The following CHD2 variants were observed in gnomAD, a reference collection of about 807,000 sequenced individuals.
The protein encoded by CHD2 is chromodomain helicase DNA binding protein 2.
Under a neutral mutation model 243.9 loss-of-function variants are expected in CHD2, and 28 were observed. That is an observed-to-expected ratio of 0.11 (90% CI 0.09 to 0.16). The LOEUF is 0.16. Ranked by LOEUF, CHD2 falls within the 10% of genes least tolerant of loss-of-function variation. CHD2 has a pLI of 1.00. For synonymous variants in CHD2, 775 were observed against 779.0 expected, an observed-to-expected ratio of 0.99 and a Z score of 0.09; for missense variants, 1,386 against 2,209.8, an observed-to-expected ratio of 0.63 and a Z score of 7.47.
chr15:92,935,026 C>T (rs1162291321), intron 5 of CHD2, among the ~76,000 whole-genome samples: 1 of 141,246 alleles, frequency 7.1e-6, no homozygotes, highest in Non-Finnish European at 1.6e-5. Flanking sequence ...TTTTTTTTTT[C>T]TTTCTTTCTT....
At position 92,941,019 on chromosome 15, in the gene CHD2, T is replaced by TG. The variant is rs1474129012; in HGVS notation, c.693-802dup. On this transcript the variant is annotated intron_variant, in intron 7 of 38. Transcript: ENST00000394196. ...AATATATATATATAATTTTTTTTTT[T>TG]GAGACGGAGTCTTGCTGTGTTGCCC... Among the ~76,000 whole-genome samples, 26 of 144,292 alleles carry TG rather than the reference T, an allele frequency of 1.8e-4. No homozygotes were observed. The South Asian group carries it at 4.3e-3, about 24-fold the overall frequency. 94.7% of individuals were successfully genotyped at this position (144,292 alleles called of 152,430 possible).
intron 5 of CHD2, among the ~76,000 whole-genome samples, 156 bp downstream of exon 5, chr15:92,929,247 C>T (rs753022444): frequency 6.6e-6 from 1 of 152,106 alleles, no homozygotes; most frequent in Non-Finnish European, 1.5e-5. Flanking sequence ...TGACCTGTTG[C>T]AATAGCAGCA....
At chr15:92,950,121 T>G (rs77416418) in intron 13 of CHD2, among the ~76,000 whole-genome samples, 8 of 152,146 alleles carry the variant, frequency 5.3e-5, no homozygotes, top group Non-Finnish European at 1.2e-4. Flanking sequence ...CGTTCGGACA[T>G]GTCTGAGCAG....
intron 37 of CHD2, among the ~76,000 whole-genome samples, chr15:93,017,962 A>T (rs76702842): frequency 0.013 from 1,908 of 152,314 alleles, 42 homozygotes; most frequent in African/African-American, 0.044. Flanking sequence ...TTCTTACTAA[A>T]TACATTCTTT....
chr15:92,986,960 C>T (rs1187830326), intron 26 of CHD2, among the ~76,000 whole-genome samples: 1 of 152,024 alleles, frequency 6.6e-6, no homozygotes, highest in African/African-American at 2.4e-5. Context: ...TGGTCTCAGA[C>T]TCCTGGCCTC....
chr15:92,908,084 T>G (rs1419074408), intron 2 of CHD2, among the ~76,000 whole-genome samples: 2 of 150,894 alleles, frequency 1.3e-5, no homozygotes, highest in African/African-American at 4.9e-5. Flanking sequence ...CAACAGCTTC[T>G]TGTGTGAATC....
Position 92,997,540 on chromosome 15 carries a change from C to G in CHD2, c.3885+137C>G. ...TAGTCATTCTTGGAAATACTTCCAT[C>G]TTTAGCAGATTGTGGCACTGTTTCA... On this transcript the variant is annotated intron_variant, in intron 30 of 38. Coordinates refer to ENST00000394196, the MANE Select transcript of CHD2 (RefSeq NM_001271.4). This position sits in a 1 kb window ranked among gnomAD's most constrained non-coding sequence, Gnocchi z 4.1. 1.3e-6 allele frequency: 1 copy of G among 765,412 alleles called. No homozygotes were observed. Among genetic ancestry groups the G allele is most frequent in the Non-Finnish European group, 1.9e-6 (1 of 520,044 alleles). 47.4% of individuals were successfully genotyped at this position (765,412 alleles called of 1,614,324 possible).
At chr15:92,991,810 C>A (rs1426897452) in intron 27 of CHD2, 2 of 258,462 alleles carry the variant, frequency 7.7e-6, no homozygotes, top group Admixed American at 5.4e-5. Context: ...GAGAGATGTT[C>A]ATGTAACTCC....
chr15:92,928,318 C>T (rs940848501), intron 4 of CHD2, among the ~76,000 whole-genome samples: 1 of 152,168 alleles, frequency 6.6e-6, no homozygotes, highest in African/African-American at 2.4e-5. Flanking sequence ...AGAAATCTTT[C>T]CCTCTTTTAC....
intron 2 of CHD2, chr15:92,901,578 TTC>T (rs1226951472): frequency 4.5e-6 from 2 of 440,236 alleles, no homozygotes; most frequent in East Asian, 3.4e-5. Context: ...TGTACAGTTT[TTC>T]TGTCAGTAAA....
At chr15:93,007,513 A>G (rs1596453900) in intron 34 of CHD2, among the ~76,000 whole-genome samples, 2 of 152,350 alleles carry the variant, frequency 1.3e-5, no homozygotes, top group Middle Eastern at 3.4e-3. Flanking sequence ...TAACACAGAA[A>G]AATCCACAAA....
At chr15:92,942,190 A>G (rs975740798) in intron 8 of CHD2, among the ~76,000 whole-genome samples, 2 of 152,234 alleles carry the variant, frequency 1.3e-5, no homozygotes, top group Non-Finnish European at 2.9e-5. Context: ...AAGCAGTGAT[A>G]TAGCAGAGAT....
intron 10 of CHD2, chr15:92,945,392 C>T (rs61611171): frequency 0.73 from 90,327 of 123,008 alleles, 35,574 homozygotes; most frequent in East Asian, 0.97. Flanking sequence ...TCTTCTTCTT[C>T]TTCTTTTTTT....
At chr15:93,000,719 G>C in intron 32 of CHD2, 79 bp downstream of exon 32, 1 of 1,452,932 alleles carries the variant, frequency 6.9e-7, no homozygotes, top group Non-Finnish European at 9.3e-7. Flanking sequence ...AAAATCATCT[G>C]AAATGTGTTT....
chr15:92,904,095 C>T (rs1319854686), intron 2 of CHD2, among the ~76,000 whole-genome samples: 2 of 152,236 alleles, frequency 1.3e-5, no homozygotes, highest in African/African-American at 4.8e-5. Context: ...CCTCTCTGCT[C>T]TTCTGGGGAA....
At position 92,940,810 on chromosome 15, in the gene CHD2, T is replaced by A. The variant is rs1596393721; in HGVS notation, c.693-1012T>A. On this transcript the variant is annotated intron_variant, in intron 7 of 38. Transcript: ENST00000394196. ...AAATATATAAATATATAAATAAATA[T>A]AAATATATATAAATATTATAAATAT... Among the ~76,000 whole-genome samples the A allele has an allele frequency of 4.4e-4, 61 of 139,026 alleles. No homozygotes were observed. In the East Asian group the frequency reaches 0.011, roughly 25 times the overall value. The allele number at this position is 139,026 out of a possible 152,430, so 91.2% of individuals were successfully genotyped here. A position where few individuals can be genotyped will look rare whatever the true frequency, so the allele number is the denominator to read the frequency against.
intron 34 of CHD2, among the ~76,000 whole-genome samples, chr15:93,007,652 A>G (rs1161416285): frequency 6.6e-6 from 1 of 152,108 alleles, no homozygotes; most frequent in African/African-American, 2.4e-5. Flanking sequence ...GCTGACAACC[A>G]TGTCCCTACA....
In CHD2 at chr15:92,999,554, T is replaced by C. The variant is rs142645592; in HGVS notation, c.4008+933T>C. 1.7e-3 allele frequency among the ~76,000 whole-genome samples: 260 copies of C among 152,342 alleles called. 2 individuals are homozygous for C. Among genetic ancestry groups the C allele is most frequent in the Non-Finnish European group, 3.2e-3 (220 of 68,028 alleles). On this transcript the variant is annotated intron_variant, in intron 31 of 38. Transcript: ENST00000394196. Reference sequence around the variant, plus strand: ...TGTACTAGCAGCCCATGTGTGCATGTTCTTTAAGTGCTCTTGCAGCTATGT... The same window carrying C: ...TGTACTAGCAGCCCATGTGTGCATGCTCTTTAAGTGCTCTTGCAGCTATGT...
chr15:92,992,952 A>G lies in CHD2; in HGVS notation c.3549A>G (p.Ser1183=). Residue 1183 remains serine (S), a synonymous_variant, in exon 28 of 39, where the codon TCA becomes TCG. Transcript: ENST00000394196. ...LGELIHNSCV[S]AMQEYEEQLK... is the part of the protein sequence containing the mutation. ...AACTGATCCACAACAGCTGTGTGTC[A>G]GCAATGCAGGAATACGAAGAGCAGC... 2 of 1,614,138 alleles carry G rather than the reference A, an allele frequency of 1.2e-6. No homozygotes were observed. Among genetic ancestry groups the G allele is most frequent in the Non-Finnish European group, 1.7e-6 (2 of 1,180,032 alleles).
Sources: allele counts gnomAD v4.1 joint callset (sites outside exome capture counted in the v4.1 genomes callset), GRCh38; gene constraint gnomAD v4.1.1; non-coding constraint Gnocchi (gnomAD v3.1); transcripts MANE v1.5; gene names NCBI Gene and HGNC (gene_info 2026-07-23, HGNC 2026-07-21).